SIGLEC5: variants seen among roughly 807,000 people sequenced by gnomAD.
SIGLEC5 encodes sialic acid binding Ig like lectin 5.
SIGLEC5 carries 34 observed loss-of-function variants against 45.9 expected under a neutral mutation model. The ratio of observed to expected loss-of-function variants is 0.74; its 90% confidence interval spans 0.56 to 0.99. SIGLEC5 has a LOEUF of 0.99. Ranked by LOEUF, SIGLEC5 falls within the 50% of genes least tolerant of loss-of-function variation. The pLI is 0.00. For missense variants in SIGLEC5, 508 were observed against 629.6 expected, an observed-to-expected ratio of 0.81 and a Z score of 2.07; for synonymous variants, 203 against 258.6, an observed-to-expected ratio of 0.79 and a Z score of 2.06.
intron 8 of SIGLEC5, among the ~76,000 whole-genome samples, chr19:51,613,976 T>C (rs1388287629): frequency 6.6e-6 from 1 of 152,172 alleles, no homozygotes; most frequent in African/African-American, 2.4e-5. Context: ...ATTCTGATCC[T>C]GGACCCAGTT....
intron 8 of SIGLEC5, among the ~76,000 whole-genome samples, chr19:51,619,340 A>G (rs147293694): frequency 1.2e-3 from 180 of 152,316 alleles, no homozygotes; most frequent in African/African-American, 4.0e-3. Context: ...TCGGCCTCCC[A>G]AAGTGCTGGG....
chr19:51,626,902 T>TTTG (rs1411184689), intron 7 of SIGLEC5, among the ~76,000 whole-genome samples: 1 of 151,896 alleles, frequency 6.6e-6, no homozygotes, highest in Non-Finnish European at 1.5e-5. Flanking sequence ...TGCTTTTTGT[T>TTTG]TTGTTTTGTT....
intron 8 of SIGLEC5, among the ~76,000 whole-genome samples, chr19:51,613,373 A>G (rs1782369695): frequency 6.6e-6 from 1 of 152,146 alleles, no homozygotes; most frequent in Admixed American, 6.5e-5. Context: ...GAAAAATACA[A>G]CAAATGGTTC....
chr19:51,625,912 G>C, intron 8 of SIGLEC5, 120 bp downstream of exon 8: 1 of 728,250 alleles, frequency 1.4e-6, no homozygotes, highest in Non-Finnish European at 2.5e-6. Flanking sequence ...TGAAGGGGGA[G>C]AACAGGAGAG....
intron 8 of SIGLEC5, among the ~76,000 whole-genome samples, chr19:51,624,074 G>T (rs1157389689): frequency 6.6e-6 from 1 of 152,002 alleles, no homozygotes; most frequent in Non-Finnish European, 1.5e-5. Flanking sequence ...CAGGAGAGTT[G>T]CTTGAACCCG....
intron 8 of SIGLEC5, among the ~76,000 whole-genome samples, chr19:51,616,153 A>C (rs1416591650): frequency 6.6e-6 from 1 of 152,236 alleles, no homozygotes; most frequent in Admixed American, 6.5e-5. Context: ...ACACTGCCAG[A>C]GTAGCCAATA....
At chr19:51,614,339 T>C (rs1273489351) in intron 8 of SIGLEC5, among the ~76,000 whole-genome samples, 1 of 152,126 alleles carries the variant, frequency 6.6e-6, no homozygotes, top group African/African-American at 2.4e-5. Flanking sequence ...TTCGCCACGT[T>C]ACCCAGGTTG....
chr19:51,623,745 A>G (rs1423239490), intron 8 of SIGLEC5, among the ~76,000 whole-genome samples: 1 of 152,292 alleles, frequency 6.6e-6, no homozygotes, highest in East Asian at 1.9e-4. Context: ...ATGCCCAGCG[A>G]TGCGGCAACT....
chr19:51,621,649 T>C (rs1459804191), intron 8 of SIGLEC5: 2 of 152,234 alleles, frequency 1.3e-5, no homozygotes, highest in African/African-American at 4.8e-5. Context: ...CACTAATTTT[T>C]CAGATGGTAT....
In SIGLEC5 at chr19:51,627,157, G is replaced by C; in HGVS notation, c.1374C>G (p.Phe458Leu). 1 of 1,613,418 alleles carries C rather than the reference G, an allele frequency of 6.2e-7. No homozygotes were observed. The highest frequency in any genetic ancestry group is 8.5e-7 in the Non-Finnish European group (1 of 1,179,440). ...CTGGGACCAAGACTTACATTAAAAA[G>C]AAGATGAGGCACAGACAGATACAGA... ...ALLCICLCLI[F>L]FLIVKARRKQ... The change falls in exon 7 of 9, where the codon TTC (phenylalanine) becomes TTG (leucine). Residue 458 changes from phenylalanine (F) to leucine (L), a missense_variant. Coordinates refer to ENST00000683636, the MANE Select transcript of SIGLEC5 (RefSeq NM_003830.4).
At chr19:51,624,368 C>T (rs1983399644) in intron 8 of SIGLEC5, among the ~76,000 whole-genome samples, 1 of 152,144 alleles carries the variant, frequency 6.6e-6, no homozygotes, top group South Asian at 2.1e-4. Flanking sequence ...AGATTCACAA[C>T]AGTGGTTACT....
At chr19:51,623,626 T>C (rs980275865) in intron 8 of SIGLEC5, among the ~76,000 whole-genome samples, 1 of 152,070 alleles carries the variant, frequency 6.6e-6, no homozygotes, top group Non-Finnish European at 1.5e-5. Flanking sequence ...GAAAAGCAAG[T>C]TGGAGAGATT....
chr19:51,615,210 CAATGATGGAACTA>C (rs1160874431), intron 8 of SIGLEC5, among the ~76,000 whole-genome samples: 1 of 152,156 alleles, frequency 6.6e-6, no homozygotes, highest in Non-Finnish European at 1.5e-5. Flanking sequence ...CAAGACCTAC[CAATGATGGAACTA>C]AAGATGGAGC....
chr19:51,617,469 G>T (rs2122618929), intron 8 of SIGLEC5, among the ~76,000 whole-genome samples: 1 of 152,150 alleles, frequency 6.6e-6, no homozygotes, highest in East Asian at 1.9e-4. Flanking sequence ...AAAATGAGTG[G>T]ATTACCTACA....
At chr19:51,612,491 TA>T (rs1982895997) in intron 8 of SIGLEC5, 69 bp from the exon 9 acceptor site, 1 of 1,102,166 alleles carries the variant, frequency 9.1e-7, no homozygotes, top group Non-Finnish European at 1.3e-6. Context: ...TGAGTTCTTA[TA>T]TTTATATGTT....
At chr19:51,626,649 G>A (rs758284885) in intron 7 of SIGLEC5, among the ~76,000 whole-genome samples, 3 of 152,096 alleles carry the variant, frequency 2.0e-5, no homozygotes, top group Non-Finnish European at 4.4e-5. Flanking sequence ...ATAGGTTAGG[G>A]CTGGGGGAAA....
chr19:51,622,431 G>A (rs985743086), intron 8 of SIGLEC5, among the ~76,000 whole-genome samples: 2 of 149,626 alleles, frequency 1.3e-5, no homozygotes, highest in Non-Finnish European at 3.0e-5. Context: ...GAGCCACCGC[G>A]CCCGGCCTTG....
rs1025400391 is a variant in SIGLEC5 at position 51,618,379 on chromosome 19, A to G, written c.1465-5957T>C. 1.1e-4 allele frequency among the ~76,000 whole-genome samples: 16 copies of G among 145,270 alleles called. No homozygotes were observed. The Middle Eastern group carries it at 0.014, about 128-fold the overall frequency. Reference sequence around the variant, plus strand: ...ATCTAACTAATCAATAAGAAACTAGAGTAGCTATATTAAGATCCACATGCC... The same window carrying G: ...ATCTAACTAATCAATAAGAAACTAGGGTAGCTATATTAAGATCCACATGCC... On this transcript the variant is annotated intron_variant, in intron 8 of 8. Coordinates refer to ENST00000683636, the MANE Select transcript of SIGLEC5 (RefSeq NM_003830.4).
chr19:51,616,873 T>C (rs993779176), intron 8 of SIGLEC5, among the ~76,000 whole-genome samples: 30 of 117,194 alleles, frequency 2.6e-4, no homozygotes, highest in African/African-American at 9.7e-4. Flanking sequence ...ATTGTGCCAC[T>C]GCACTCCAGC....
Sources: allele counts gnomAD v4.1 joint callset (sites outside exome capture counted in the v4.1 genomes callset), GRCh38; gene constraint gnomAD v4.1.1; transcripts MANE v1.5; gene names NCBI Gene and HGNC (gene_info 2026-07-23, HGNC 2026-07-21).